TSHZ2: variants seen among roughly 807,000 people sequenced by gnomAD.
The protein encoded by TSHZ2 is teashirt zinc finger homeobox 2.
In TSHZ2, 21 loss-of-function variants were observed where a neutral mutation model predicts 74.4. The ratio of observed to expected loss-of-function variants is 0.28; its 90% CI spans 0.20 to 0.41. The LOEUF is 0.41. Ranked by LOEUF, TSHZ2 falls within the 10% of genes least tolerant of loss-of-function variation. The pLI is 1.00. For missense variants in TSHZ2, 1,244 were observed against 1,293.5 expected (o/e 0.96, Z 0.59); for synonymous variants, 540 against 515.3 (o/e 1.05, Z -0.65).
chr20:53,036,997 T>C (rs1211865139), intron 1 of TSHZ2, among the ~76,000 whole-genome samples: 2 of 152,116 alleles, frequency 1.3e-5, no homozygotes, highest in Non-Finnish European at 2.9e-5. Context: ...TTTAAGTTGA[T>C]AGTATTGTAT....
At chr20:53,064,688 A>AC (rs1984922343) in intron 1 of TSHZ2, among the ~76,000 whole-genome samples, 2 of 101,948 alleles carry the variant, frequency 2.0e-5, no homozygotes, top group African/African-American at 5.4e-5. Flanking sequence ...GTAGACAGAG[A>AC]AACACACACA....
intron 2 of TSHZ2, among the ~76,000 whole-genome samples, chr20:53,466,755 CA>C (rs1404775753): frequency 1.3e-5 from 2 of 152,282 alleles, no homozygotes; most frequent in East Asian, 3.9e-4. Context: ...TTTCTCTCTC[CA>C]TTGTCAGGAT....
chr20:53,151,653 C>G (rs771559048), intron 1 of TSHZ2, among the ~76,000 whole-genome samples: 4 of 152,154 alleles, frequency 2.6e-5, no homozygotes, highest in East Asian at 1.9e-4. Flanking sequence ...ACATGAATCA[C>G]AGAAAATAAG....
chr20:53,262,370 T>G (rs530687711), intron 2 of TSHZ2, among the ~76,000 whole-genome samples: 2 of 152,314 alleles, frequency 1.3e-5, no homozygotes, highest in East Asian at 3.9e-4. Context: ...CCTCTATTGT[T>G]GGAAATGAGC....
rs1027885122 is a variant in TSHZ2 at position 53,073,911 on chromosome 20, A to T, written c.40+100578A>T. Among the ~76,000 whole-genome samples, 3 of 152,224 alleles carry T rather than the reference A, an allele frequency of 2.0e-5. No homozygotes were observed. The East Asian group carries it at 5.8e-4, about 29-fold the overall frequency. ...TAGCTAAAAGTAGACACTATTAATT[A>T]TACAGATTTGTTTCAGGATTTCTTG... On this transcript the variant is annotated intron_variant, in intron 1 of 2. Transcript: ENST00000371497.
chr20:53,190,124 TATATATATATATA>T (rs1988699710), intron 1 of TSHZ2, among the ~76,000 whole-genome samples: 1 of 99,254 alleles, frequency 1.0e-5, no homozygotes, highest in African/African-American at 3.9e-5. Context: ...TATATATATA[TATATATATATATA>T]TTTTCTTAAA....
intron 2 of TSHZ2, among the ~76,000 whole-genome samples, chr20:53,415,720 T>A (rs1983221578): frequency 6.1e-3 from 2 of 330 alleles, no homozygotes; most frequent in Non-Finnish European, 0.014. Context: ...ACATATTATA[T>A]ATGTGTGTGC....
Position 53,253,695 on chromosome 20 carries a change from C to A in TSHZ2, c.237C>A (p.Ala79=). The A allele has an allele frequency of 6.2e-7, 1 of 1,614,132 alleles. No individual in the cohort carries two copies. The highest frequency in any genetic ancestry group is 8.5e-7 in the Non-Finnish European group (1 of 1,180,036). Reference sequence around the variant, plus strand: ...GAAGTCATTTGTCCAATCAGGATGCCGAGAACGAGTCTCTGCTGAGTGACG... The same window carrying A: ...GAAGTCATTTGTCCAATCAGGATGCAGAGAACGAGTCTCTGCTGAGTGACG... ...SPGSHLSNQD[A]ENESLLSDAS... is the part of the protein sequence containing the mutation. Residue 79 remains alanine, a synonymous_variant, in exon 2 of 3, where the codon GCC becomes GCA. Transcript: ENST00000371497.
intron 1 of TSHZ2, among the ~76,000 whole-genome samples, chr20:53,038,529 A>G (rs76964171): frequency 0.089 from 13,558 of 152,150 alleles, 759 homozygotes; most frequent in African/African-American, 0.15. Context: ...ATGGATCTGA[A>G]AGTGATGACA....
At chr20:53,218,777 AAG>A (rs751666574) in intron 1 of TSHZ2, among the ~76,000 whole-genome samples, 1 of 152,254 alleles carries the variant, frequency 6.6e-6, no homozygotes, top group Admixed American at 6.5e-5. Flanking sequence ...CGAGAAAAAT[AAG>A]AGAGAGCATC....
At position 53,053,699 on chromosome 20, in the gene TSHZ2, T is replaced by C. The variant is rs1984553456; in HGVS notation, c.40+80366T>C. Among the ~76,000 whole-genome samples the C allele has an allele frequency of 2.0e-5, 3 of 152,142 alleles. No homozygotes were observed. The South Asian group carries it at 6.2e-4, about 31-fold the overall frequency. On this transcript the variant is annotated intron_variant, in intron 1 of 2. Coordinates refer to ENST00000371497, the MANE Select transcript of TSHZ2 (RefSeq NM_173485.6). ...TATGAGAAAGAAAATTTTAAAAGAC[T>C]CTTTGGAAATAGCGCATACATAAAA... is the stretch of plus-strand genomic sequence containing the variant.
intron 2 of TSHZ2, among the ~76,000 whole-genome samples, chr20:53,380,992 C>G (rs1185195889): frequency 6.6e-6 from 1 of 152,184 alleles, no homozygotes. Flanking sequence ...CCATCCTATG[C>G]AGAATCCTGC....
At chr20:53,251,396 A>G (rs16997811) in intron 1 of TSHZ2, among the ~76,000 whole-genome samples, 4,701 of 152,288 alleles carry the variant, frequency 0.031, 195 homozygotes, top group East Asian at 0.24. Flanking sequence ...TTTGAATGGT[A>G]TATCTATTTT....
At chr20:53,290,564 T>A (rs186780535) in intron 2 of TSHZ2, among the ~76,000 whole-genome samples, 117 of 152,312 alleles carry the variant, frequency 7.7e-4, no homozygotes, top group African/African-American at 2.7e-3. Context: ...ATGTCCCCCA[T>A]ATTTTTAAAC....
intron 1 of TSHZ2, among the ~76,000 whole-genome samples, chr20:53,186,824 G>C (rs1206744009): frequency 6.6e-6 from 1 of 152,100 alleles, no homozygotes; most frequent in Admixed American, 6.6e-5. Context: ...ACTTGGGGGA[G>C]AGTTACTTCT....
chr20:53,244,913 G>T (rs1381006250), intron 1 of TSHZ2, among the ~76,000 whole-genome samples: 2 of 152,150 alleles, frequency 1.3e-5, no homozygotes, highest in Admixed American at 6.5e-5. Context: ...CTTTTCTTAT[G>T]CATTCTTATG....
chr20:53,270,144 G>T (rs1207377340), intron 2 of TSHZ2, among the ~76,000 whole-genome samples: 1 of 151,964 alleles, frequency 6.6e-6, no homozygotes, highest in Non-Finnish European at 1.5e-5. Context: ...GCCCACGCCT[G>T]GCTTCTGCTT....
chr20:53,400,034 C>G (rs1288063965), intron 2 of TSHZ2: 1 of 152,862 alleles, frequency 6.5e-6, no homozygotes, highest in South Asian at 2.1e-4. Flanking sequence ...CTGTGGAGTG[C>G]TGAGCACAGT....
rs1408725250 is a variant in TSHZ2 at position 53,050,146 on chromosome 20, T to TATATATACACATATATATGTAC, written c.40+76835_40+76856dup. Among the ~76,000 whole-genome samples the TATATATACACATATATATGTAC allele has an allele frequency of 8.7e-4, 84 of 96,920 alleles. 1 individual carries two copies. Among genetic ancestry groups the TATATATACACATATATATGTAC allele is most frequent in the Middle Eastern group, 5.5e-3 (1 of 182 alleles). 63.6% of individuals were successfully genotyped at this position (96,920 alleles called of 152,430 possible). ...ATATACACATATATATATGTGTATA[T>TATATATACACATATATATGTAC]ATATATACACATATATATGTACATA... On this transcript the variant is annotated intron_variant, in intron 1 of 2. Transcript: ENST00000371497.
Sources: gnomAD v4.1 joint callset for allele counts (sites outside exome capture counted in the v4.1 genomes callset) on GRCh38, gnomAD v4.1.1 for gene constraint, MANE v1.5 for transcripts, NCBI Gene and HGNC (gene_info 2026-07-23, HGNC 2026-07-21) for gene names.